Variants in MEIG1 observed in about 807,000 individuals in gnomAD.
MEIG1 encodes the protein meiosis/spermiogenesis associated 1.
A neutral mutation model predicts 11.3 loss-of-function variants in MEIG1; 12 were observed. The ratio of observed to expected loss-of-function variants is 1.07; its 90% CI spans 0.68 to 1.73. The LOEUF (loss-of-function observed/expected upper bound fraction) is 1.73. MEIG1 is among the 40% of genes most tolerant of loss of function. MEIG1 has a pLI of 0.00. For missense variants in MEIG1, 119 were observed against 104.9 expected (o/e 1.13, Z -0.59); for synonymous variants, 41 against 33.2 (o/e 1.24, Z -0.81).
chr10:14,985,420 TG>T (rs1228595281), intron 1 of MEIG1, among the ~76,000 whole-genome samples: 1 of 152,052 alleles, frequency 6.6e-6, no homozygotes, highest in East Asian at 1.9e-4. Flanking sequence ...GTTATATCCT[TG>T]GGGGTGTTAC....
intron 1 of MEIG1, among the ~76,000 whole-genome samples, chr10:14,981,240 TG>T (rs1843259717): frequency 6.8e-6 from 1 of 146,058 alleles, no homozygotes; most frequent in African/African-American, 2.7e-5. Context: ...TCTCTTGGCC[TG>T]GCTCAGTTCA....
At chr10:14,978,602 A>C (rs934160578) in intron 1 of MEIG1, among the ~76,000 whole-genome samples, 3 of 151,918 alleles carry the variant, frequency 2.0e-5, no homozygotes, top group Non-Finnish European at 4.4e-5. Context: ...CGGGGATGTT[A>C]CTCATATTGT....
rs1843163656 is a variant in MEIG1 at position 14,972,523 on chromosome 10, G to A, written c.149G>A (p.Trp50Ter). 6.2e-7 allele frequency: 1 copy of A among 1,614,030 alleles called. No homozygotes were observed. The highest frequency in any genetic ancestry group is 8.5e-7 in the Non-Finnish European group (1 of 1,179,964). The change falls in exon 3 of 3, where the codon TGG (tryptophan) becomes TAG (stop). Residue 50 changes from tryptophan (W) to a stop codon, truncating the protein, a stop_gained. Transcript: ENST00000407572. LOFTEE classifies it high-confidence loss of function. ...GTTCTTGATGTGCAGGTAGATCGTT[G>A]GCCGGAGACAGGATATGTGAAGAAA... ...QVKQVSMVDR[W>*]PETGYVKKLQ... is the part of the protein sequence containing the mutation.
downstream of MEIG1, among the ~76,000 whole-genome samples, chr10:14,974,961 C>T (rs114525011): frequency 1.8e-3 from 271 of 152,186 alleles, no homozygotes; most frequent in African/African-American, 6.5e-3. Flanking sequence ...GGTGTACACC[C>T]ACCTGTGATA....
At chr10:14,954,877 T>C (rs544647307), upstream of MEIG1, among the ~76,000 whole-genome samples, 2 of 152,336 alleles carry the variant, frequency 1.3e-5, no homozygotes, top group East Asian at 1.9e-4. Context: ...TTGTGCTCCT[T>C]CCTATCAAAT....
chr10:14,976,049 G>A (rs1157359030), downstream of MEIG1, among the ~76,000 whole-genome samples: 4 of 152,156 alleles, frequency 2.6e-5, no homozygotes, highest in Admixed American at 1.3e-4. Context: ...ATCCAGGGGG[G>A]GACCGGGGGG....
At chr10:14,985,362 G>T (rs1214911101) in intron 1 of MEIG1, among the ~76,000 whole-genome samples, 1 of 152,036 alleles carries the variant, frequency 6.6e-6, no homozygotes, top group Non-Finnish European at 1.5e-5. Flanking sequence ...ATCCTAAAGG[G>T]ACGTTACTAG....
At chr10:14,967,107 G>A (rs1207401279) in intron 2 of MEIG1, among the ~76,000 whole-genome samples, 5 of 151,942 alleles carry the variant, frequency 3.3e-5, no homozygotes, top group Non-Finnish European at 7.4e-5. Flanking sequence ...AGAGGTGGTC[G>A]TTTAGCTGGG....
Position 14,960,281 on chromosome 10 carries a change from G to A in MEIG1, c.-30+724G>A, listed in dbSNP as rs529253684. Reference sequence around the variant, plus strand: ...TATTAGGGAGGCTAATGCTCTTGAAGTTTTAATACTACTAAAAGTAAAAGC... The same window carrying A: ...TATTAGGGAGGCTAATGCTCTTGAAATTTTAATACTACTAAAAGTAAAAGC... On this transcript the variant is annotated intron_variant, in intron 1 of 2. Transcript: ENST00000407572. 1.8e-4 allele frequency among the ~76,000 whole-genome samples: 28 copies of A among 152,338 alleles called. No homozygotes were observed. The South Asian group carries it at 5.8e-3, about 32-fold the overall frequency.
At position 14,972,499 on chromosome 10, in the gene MEIG1, T is replaced by C. The variant is rs772779685; in HGVS notation, c.139-14T>C. ...CTCCATTGTAACGTTTGTACTCTGG[T>C]TCTTGATGTGCAGGTAGATCGTTGG... On this transcript the variant is annotated splice_polypyrimidine_tract_variant and intron_variant, in intron 2 of 2. Coordinates refer to ENST00000407572, the MANE Select transcript of MEIG1 (RefSeq NM_001080836.3). 2.4e-5 allele frequency: 38 copies of C among 1,613,808 alleles called. No individual in the cohort carries two copies. The highest frequency in any genetic ancestry group is 1.6e-4 in the Middle Eastern group (1 of 6,084).
chr10:14,980,619 A>T (rs1333543258), intron 1 of MEIG1, among the ~76,000 whole-genome samples: 2 of 152,090 alleles, frequency 1.3e-5, no homozygotes. Context: ...GGCGCACCCG[A>T]CTGACCTGGG....
Position 14,987,555 on chromosome 10 carries a change from A to G in MEIG1, n.286-233A>G, listed in dbSNP as rs1843331855. 5 of 616,976 alleles carry G rather than the reference A, an allele frequency of 8.1e-6. No individual in the cohort carries two copies. The Admixed American group carries it at 1.0e-4, about 12-fold the overall frequency. The allele number at this position is 616,976 out of a possible 1,614,324, so 38.2% of individuals were successfully genotyped here. A position where few individuals can be genotyped will look rare whatever the true frequency, so the allele number is the denominator to read the frequency against. ...AGGAACATCTTTACACTTGCAGACC[A>G]TACACCACCAGCAATGTTTCTCAGT... On this transcript the variant is annotated intron_variant and non_coding_transcript_variant, in intron 2 of 2. Transcript: ENST00000467536.
At chr10:14,986,988 G>C (rs1843324856) in exon 2 of MEIG1, 1 of 685,022 alleles carries the variant, frequency 1.5e-6, no homozygotes, top group East Asian at 6.5e-5. Context: ...TAAGGAAAAA[G>C]GACACCAAAA....
At chr10:14,963,956 G>A (rs1358770842) in intron 1 of MEIG1, among the ~76,000 whole-genome samples, 1 of 152,038 alleles carries the variant, frequency 6.6e-6, no homozygotes, top group Admixed American at 6.6e-5. Context: ...AAATTAGCTG[G>A]GCATGGTAGT....
At chr10:14,979,064 G>A (rs915418476) in intron 1 of MEIG1, among the ~76,000 whole-genome samples, 4 of 151,758 alleles carry the variant, frequency 2.6e-5, no homozygotes, top group Admixed American at 6.6e-5. Flanking sequence ...GCCACAATAC[G>A]TGTACACCCT....
At chr10:14,982,243 T>C (rs186992269) in intron 1 of MEIG1, among the ~76,000 whole-genome samples, 3 of 152,292 alleles carry the variant, frequency 2.0e-5, no homozygotes, top group African/African-American at 7.2e-5. Flanking sequence ...TCATTAATCC[T>C]TCCAAGAGAG....
At chr10:14,980,177 C>G (rs1483039394) in intron 1 of MEIG1, among the ~76,000 whole-genome samples, 6 of 152,054 alleles carry the variant, frequency 3.9e-5, no homozygotes, top group Non-Finnish European at 7.4e-5. Context: ...GGTGTGGTTT[C>G]TGTGCTATAA....
At chr10:14,972,358 T>C (rs1442935904) in intron 2 of MEIG1, among the ~76,000 whole-genome samples, 155 bp from the exon 3 acceptor site, 2 of 152,198 alleles carry the variant, frequency 1.3e-5, no homozygotes, top group African/African-American at 4.8e-5. Flanking sequence ...GTAAGATGTG[T>C]CTTGTGGGTA....
At chr10:14,962,945 G>A (rs961784368) in intron 1 of MEIG1, among the ~76,000 whole-genome samples, 1 of 149,954 alleles carries the variant, frequency 6.7e-6, no homozygotes, top group South Asian at 2.1e-4. Context: ...TATATTTTTA[G>A]TAGACACGGG....
Sources: gnomAD v4.1 joint callset for allele counts (sites outside exome capture counted in the v4.1 genomes callset) on GRCh38, gnomAD v4.1.1 for gene constraint, MANE v1.5 for transcripts, NCBI Gene and HGNC (gene_info 2026-07-23, HGNC 2026-07-21) for gene names.